RBM27: variants seen among roughly 807,000 people sequenced by gnomAD.
RBM27 encodes RNA-binding protein 27.
Under a neutral mutation model 135.3 loss-of-function variants are expected in RBM27, and 22 were observed. The ratio of observed to expected loss-of-function variants is 0.16; its 90% CI spans 0.12 to 0.23. The LOEUF is 0.23. Ranked by LOEUF, RBM27 falls within the 10% of genes least tolerant of loss-of-function variation. RBM27 has a pLI of 1.00. For missense variants in RBM27, 1,009 were observed against 1,281.0 expected, an observed-to-expected ratio of 0.79 and a Z score of 3.24; for synonymous variants, 481 against 442.4, an observed-to-expected ratio of 1.09 and a Z score of -1.10.
Position 146,271,549 on chromosome 5 carries a change from G to A in RBM27, c.2863G>A (p.Gly955Ser). The A allele has an allele frequency of 6.2e-7, 1 of 1,613,822 alleles. No homozygotes were observed. Among genetic ancestry groups the A allele is most frequent in the South Asian group, 1.1e-5 (1 of 91,062 alleles). Reference protein sequence around the residue: ...KTMSSQGRGRGRGRGGRGRGS... With the variant: ...KTMSSQGRGRSRGRGGRGRGS... ...CATGTCCTCTCAAGGTCGAGGAAGAGGCCGAGGGCGTGGAGGAAGAGGAAG... is the reference window on the plus strand; with the variant it reads ...CATGTCCTCTCAAGGTCGAGGAAGAAGCCGAGGGCGTGGAGGAAGAGGAAG... Residue 955 changes from glycine (G) to serine (S), a missense_variant, in exon 19 of 21, where the codon GGC becomes AGC. By Grantham distance (56) the Gly-to-Ser change is moderately conservative (BLOSUM62 0). Around this residue, in one of 6 missense-constraint regions of RBM27, gnomAD observed 355 missense variants for 427.3 expected, o/e 0.83. Transcript: ENST00000265271.
chr5:146,240,547 G>A (rs1322224158), intron 8 of RBM27, among the ~76,000 whole-genome samples: 3 of 152,214 alleles, frequency 2.0e-5, no homozygotes, highest in African/African-American at 4.8e-5. Flanking sequence ...GGCTGGTCTC[G>A]AACTCCTGAC....
chr5:146,249,096 C>T (rs1461112280), intron 8 of RBM27, among the ~76,000 whole-genome samples: 1 of 152,044 alleles, frequency 6.6e-6, no homozygotes, highest in African/African-American at 2.4e-5. Context: ...ATCCTCCTGC[C>T]CTAGCCTTCC....
chr5:146,288,155 A>G lies in RBM27; in HGVS notation c.*2125A>G, dbSNP rs1339482224. On this transcript the variant is annotated 3_prime_UTR_variant, in exon 21 of 21. Coordinates refer to ENST00000265271, the MANE Select transcript of RBM27 (RefSeq NM_018989.2). ...GGAAACTGAAAATTACAGTAAATAAATGGAACTCTAAGAAAAATTTCAGTA... is the reference window on the plus strand; with the variant it reads ...GGAAACTGAAAATTACAGTAAATAAGTGGAACTCTAAGAAAAATTTCAGTA... The G allele has an allele frequency of 6.6e-6, 1 of 152,052 alleles. No individual in the cohort carries two copies. The highest frequency in any genetic ancestry group is 2.4e-5 in the African/African-American group (1 of 41,430). The allele number at this position is 152,052 out of a possible 1,614,324, so 9.4% of individuals were successfully genotyped here. A position where few individuals can be genotyped will look rare whatever the true frequency, so the allele number is the denominator to read the frequency against.
intron 1 of RBM27, among the ~76,000 whole-genome samples, chr5:146,210,363 A>G (rs566072778): frequency 2.0e-5 from 3 of 152,294 alleles, no homozygotes; most frequent in African/African-American, 7.2e-5. Context: ...TGATGAATGT[A>G]TGTATATATT....
intron 5 of RBM27, 52 bp downstream of exon 5, chr5:146,229,962 A>G: frequency 6.3e-7 from 1 of 1,588,244 alleles, no homozygotes; most frequent in Middle Eastern, 1.8e-4. Flanking sequence ...ATCTGTCTCT[A>G]TCACAGGGGT....
chr5:146,232,011 C>T (rs778330124), intron 6 of RBM27, among the ~76,000 whole-genome samples: 1 of 152,098 alleles, frequency 6.6e-6, no homozygotes, highest in Admixed American at 6.6e-5. Context: ...ATGAATGAAT[C>T]GGTATGTGTG....
At chr5:146,249,882 T>C (rs972637922) in intron 8 of RBM27, among the ~76,000 whole-genome samples, 1 of 152,168 alleles carries the variant, frequency 6.6e-6, no homozygotes, top group African/African-American at 2.4e-5. Context: ...GGTGGTTTGC[T>C]GCACAGATCA....
At chr5:146,225,285 T>G (rs537215257) in intron 3 of RBM27, among the ~76,000 whole-genome samples, 3 of 152,116 alleles carry the variant, frequency 2.0e-5, no homozygotes, top group African/African-American at 7.2e-5. Flanking sequence ...TTTTATAGCA[T>G]GTTCTTTTCC....
In RBM27 at chr5:146,205,778, T is replaced by G. The variant is rs375923882; in HGVS notation, c.59+1954T>G. 1.2e-3 allele frequency among the ~76,000 whole-genome samples: 185 copies of G among 152,268 alleles called. 2 individuals are homozygous for G. Among genetic ancestry groups the G allele is most frequent in the African/African-American group, 4.4e-3 (181 of 41,558 alleles). ...GTTCACGCCTGTAATCCCGACACTT[T>G]GGGGGGCCTAGGCGGGCGGATCATG... On this transcript the variant is annotated intron_variant, in intron 1 of 20. Coordinates refer to ENST00000265271, the MANE Select transcript of RBM27 (RefSeq NM_018989.2).
chr5:146,259,912 G>T (rs1038215973), intron 11 of RBM27, among the ~76,000 whole-genome samples: 3 of 143,204 alleles, frequency 2.1e-5, no homozygotes, highest in African/African-American at 8.0e-5. Context: ...AGCAGAGCTT[G>T]CAGTGAGCCG....
intron 19 of RBM27, among the ~76,000 whole-genome samples, chr5:146,276,843 C>T (rs1052690599): frequency 5.3e-5 from 8 of 152,034 alleles, no homozygotes; most frequent in Non-Finnish European, 7.4e-5. Context: ...TTGCTTGAGC[C>T]CAGAAGTTCA....
intron 6 of RBM27, among the ~76,000 whole-genome samples, chr5:146,231,971 A>G (rs1264203519): frequency 4.6e-5 from 7 of 152,218 alleles, no homozygotes; most frequent in Non-Finnish European, 1.0e-4. Flanking sequence ...GAAGTTACTT[A>G]CAAGTTTGAT....
intron 8 of RBM27, among the ~76,000 whole-genome samples, chr5:146,250,770 C>CTTTTTTTTTTTTTTTTTTTTTTTTTTTTT (rs58027855): frequency 5.5e-5 from 4 of 72,674 alleles, no homozygotes; most frequent in Non-Finnish European, 9.7e-5. Context: ...TTTTTTTGTC[C>CTTTTTTTTTTTTTTTTTTTTTTTTTTTTT]TTTTTTTTTT....
chr5:146,258,104 C>G (rs1428932668), intron 10 of RBM27, among the ~76,000 whole-genome samples: 2 of 152,042 alleles, frequency 1.3e-5, no homozygotes, highest in Non-Finnish European at 2.9e-5. Context: ...CAGGCGTGAG[C>G]CACCGTGCCT....
At chr5:146,246,220 T>G (rs1446395333) in intron 8 of RBM27, among the ~76,000 whole-genome samples, 2 of 152,188 alleles carry the variant, frequency 1.3e-5, no homozygotes, top group African/African-American at 4.8e-5. Context: ...ATTTGAGTTT[T>G]TAGCTTAAAA....
intron 14 of RBM27, among the ~76,000 whole-genome samples, chr5:146,264,087 CAG>C (rs1253533600): frequency 6.7e-6 from 1 of 148,214 alleles, no homozygotes; most frequent in African/African-American, 2.5e-5. Context: ...GCCTGGGTGA[CAG>C]AGCAAGACCC....
At chr5:146,225,567 GT>G (rs5871958) in intron 3 of RBM27, among the ~76,000 whole-genome samples, 31,189 of 133,300 alleles carry the variant, frequency 0.23, 3,184 homozygotes, top group Admixed American at 0.32. Context: ...TTACCTTTCT[GT>G]TTTTTTTTTT....
At chr5:146,218,695 CTT>C in intron 1 of RBM27, among the ~76,000 whole-genome samples, 1 of 152,298 alleles carries the variant, frequency 6.6e-6, no homozygotes, top group South Asian at 2.1e-4. Flanking sequence ...AGTTGCCACT[CTT>C]TGCCTGTTAT....
chr5:146,276,699 A>G (rs1281366004), intron 19 of RBM27, among the ~76,000 whole-genome samples: 3 of 152,188 alleles, frequency 2.0e-5, no homozygotes, highest in African/African-American at 7.2e-5. Context: ...CTGTGTATTT[A>G]ACATTTGGAG....
Sources: allele counts gnomAD v4.1 joint callset (sites outside exome capture counted in the v4.1 genomes callset), GRCh38; gene constraint gnomAD v4.1.1; regional missense constraint gnomAD v4.1.1; transcripts MANE v1.5; gene names NCBI Gene and HGNC (gene_info 2026-07-23, HGNC 2026-07-21).